Variants in AGBL1 observed in about 807,000 individuals in gnomAD.
AGBL1 encodes AGBL carboxypeptidase 1, also known as cytosolic carboxypeptidase 4.
AGBL1 carries 130 observed loss-of-function variants against 118.9 expected under a neutral mutation model. The ratio of observed to expected loss-of-function variants is 1.09; its 90% confidence interval spans 0.95 to 1.26. The LOEUF (loss-of-function observed/expected upper bound fraction) is 1.26. Ranked by LOEUF, AGBL1 falls within the 50% of genes most tolerant of loss-of-function variation. The probability of loss-of-function intolerance (pLI) is 0.00; values close to 1 mark genes in which losing one functional copy is unlikely to be tolerated. For synonymous variants in AGBL1, 555 were observed against 478.9 expected, an observed-to-expected ratio of 1.16 and a Z score of -2.08; for missense variants, 1,584 against 1,298.1, an observed-to-expected ratio of 1.22 and a Z score of -3.38.
intron 22 of AGBL1, among the ~76,000 whole-genome samples, chr15:86,810,792 C>G (rs1482140314): frequency 6.6e-6 from 1 of 152,100 alleles, no homozygotes; most frequent in Non-Finnish European, 1.5e-5. Flanking sequence ...ATAAGCTCAA[C>G]AAGGATGACT....
At chr15:86,167,282 G>A (rs910762379) in intron 5 of AGBL1, among the ~76,000 whole-genome samples, 16 of 148,764 alleles carry the variant, frequency 1.1e-4, no homozygotes, top group African/African-American at 1.7e-4. Flanking sequence ...GTCTCACTCC[G>A]TTGCCCAGGC....
At chr15:86,433,266 CTTTTTTTTTTTTTT>C (rs59417397) in intron 18 of AGBL1, among the ~76,000 whole-genome samples, 46 of 74,892 alleles carry the variant, frequency 6.1e-4, no homozygotes, top group South Asian at 5.5e-3. Context: ...CCTCCTTCTT[CTTTTTTTTTTTTTT>C]TTTTTTTTTT....
intron 1 of AGBL1, among the ~76,000 whole-genome samples, chr15:86,080,719 A>G (rs141028933): frequency 1.4e-4 from 21 of 152,326 alleles, no homozygotes; most frequent in African/African-American, 5.1e-4. Flanking sequence ...CCCCAAAGAC[A>G]TGGATTTAAC....
At chr15:86,104,254 G>C (rs1391028896) in intron 1 of AGBL1, among the ~76,000 whole-genome samples, 1 of 152,192 alleles carries the variant, frequency 6.6e-6, no homozygotes, top group African/African-American at 2.4e-5. Flanking sequence ...TGCTGGTGTG[G>C]TAGGCAGGGA....
intron 21 of AGBL1, among the ~76,000 whole-genome samples, chr15:86,556,873 T>C (rs1488214995): frequency 6.6e-6 from 1 of 152,150 alleles, no homozygotes; most frequent in Non-Finnish European, 1.5e-5. Context: ...GTTTCTCTGG[T>C]TAATGCAGCT....
At chr15:86,695,343 T>G (rs2086238209) in intron 22 of AGBL1, among the ~76,000 whole-genome samples, 1 of 152,074 alleles carries the variant, frequency 6.6e-6, no homozygotes, top group Admixed American at 6.6e-5. Context: ...TCTCCAAGAA[T>G]TTATCCATCT....
chr15:86,156,254 T>C (rs539225053), intron 4 of AGBL1, among the ~76,000 whole-genome samples: 18 of 152,274 alleles, frequency 1.2e-4, no homozygotes, highest in African/African-American at 3.8e-4. Context: ...AATTTGGAGC[T>C]CAGGATGTCG....
chr15:86,928,604 C>G (rs2080572427), intron 23 of AGBL1, among the ~76,000 whole-genome samples: 1 of 152,002 alleles, frequency 6.6e-6, no homozygotes, highest in Non-Finnish European at 1.5e-5. Context: ...AACAACGATG[C>G]TCTATCACTC....
chr15:86,606,235 A>G (rs1838241607), intron 21 of AGBL1, among the ~76,000 whole-genome samples: 1 of 152,032 alleles, frequency 6.6e-6, no homozygotes, highest in African/African-American at 2.4e-5. Context: ...AGATTTGGCT[A>G]CTGTGGTTCT....
intron 13 of AGBL1, among the ~76,000 whole-genome samples, chr15:86,268,265 CAG>C (rs1415188396): frequency 6.6e-6 from 1 of 151,536 alleles, no homozygotes; most frequent in Non-Finnish European, 1.5e-5. Context: ...ACAAATAAAA[CAG>C]AGACCAGTTT....
intron 17 of AGBL1, among the ~76,000 whole-genome samples, chr15:86,328,737 A>G (rs1366293198): frequency 4.6e-5 from 7 of 152,140 alleles, no homozygotes; most frequent in African/African-American, 1.2e-4. Context: ...TGATCCAAGC[A>G]ACTGAGGCTG....
At chr15:86,746,799 G>A (rs2141245850) in intron 22 of AGBL1, among the ~76,000 whole-genome samples, 1 of 152,040 alleles carries the variant, frequency 6.6e-6, no homozygotes, top group African/African-American at 2.4e-5. Context: ...TCTATTGGCC[G>A]AAACACATGT....
chr15:86,545,821 C>T (rs2083572039), intron 19 of AGBL1, among the ~76,000 whole-genome samples, 181 bp from the exon 20 acceptor site: 2 of 152,122 alleles, frequency 1.3e-5, no homozygotes, highest in African/African-American at 4.8e-5. Context: ...CAATCAATGC[C>T]ACTCTTGCCA....
intron 5 of AGBL1, chr15:86,173,296 T>C (rs1277016221): frequency 1.3e-5 from 2 of 152,286 alleles, no homozygotes; most frequent in South Asian, 2.1e-4. Flanking sequence ...AATGGAATTA[T>C]ATGTTTTCTT....
intron 18 of AGBL1, among the ~76,000 whole-genome samples, chr15:86,489,982 A>G (rs1030953832): frequency 5.9e-5 from 9 of 152,080 alleles, no homozygotes; most frequent in African/African-American, 1.7e-4. Flanking sequence ...ACATAAAATT[A>G]TCCTCTTCAG....
intron 22 of AGBL1, among the ~76,000 whole-genome samples, chr15:86,886,950 C>T (rs2079979337): frequency 6.6e-6 from 1 of 152,106 alleles, no homozygotes. Flanking sequence ...GTCTCCAAAA[C>T]AGAAGATGAC....
At chr15:86,286,103 C>G (rs1038910980) in intron 16 of AGBL1, among the ~76,000 whole-genome samples, 1 of 133,666 alleles carries the variant, frequency 7.5e-6, no homozygotes, top group African/African-American at 3.0e-5. Context: ...CCCCTTCTCT[C>G]TTTTTTCTTT....
At chr15:86,810,724 T>C (rs2078777128) in intron 22 of AGBL1, among the ~76,000 whole-genome samples, 1 of 152,158 alleles carries the variant, frequency 6.6e-6, no homozygotes, top group Non-Finnish European at 1.5e-5. Flanking sequence ...CTGGTGTGCT[T>C]TCTTTGCCTT....
At chr15:86,473,793 G>A (rs1355013692) in intron 18 of AGBL1, among the ~76,000 whole-genome samples, 1 of 152,120 alleles carries the variant, frequency 6.6e-6, no homozygotes. Context: ...GCCAACGTTT[G>A]CCTATATCAT....
Sources: allele counts gnomAD v4.1 joint callset (sites outside exome capture counted in the v4.1 genomes callset), GRCh38; gene constraint gnomAD v4.1.1; transcripts MANE v1.5; gene names NCBI Gene and HGNC (gene_info 2026-07-23, HGNC 2026-07-21).